GRAMD1B: variants seen among roughly 807,000 people sequenced by gnomAD.
GRAMD1B encodes GRAM domain containing 1B, also known as protein Aster-B.
GRAMD1B carries 37 observed loss-of-function variants against 99.7 expected under a neutral mutation model. That is an observed-to-expected ratio of 0.37 (90% confidence interval 0.29 to 0.49). GRAMD1B has a LOEUF of 0.49. Among genes scored for constraint, GRAMD1B ranks in the 20% least tolerant of loss-of-function variants. GRAMD1B has a pLI of 0.98. For missense variants in GRAMD1B, 888 were observed against 1,009.2 expected, an observed-to-expected ratio of 0.88 and a Z score of 1.63; for synonymous variants, 427 against 387.6, an observed-to-expected ratio of 1.10 and a Z score of -1.19.
At chr11:123,519,550 C>T (rs1941996143) in intron 2 of GRAMD1B, among the ~76,000 whole-genome samples, 2 of 152,336 alleles carry the variant, frequency 1.3e-5, no homozygotes, top group South Asian at 4.1e-4. Flanking sequence ...CCTGATGACT[C>T]CCCTGCCTGA....
At chr11:123,582,642 C>T (rs1333699677) in intron 3 of GRAMD1B, among the ~76,000 whole-genome samples, 1 of 152,178 alleles carries the variant, frequency 6.6e-6, no homozygotes, top group South Asian at 2.1e-4. Flanking sequence ...CCCTCAGCCC[C>T]CTCCAGCTCC....
intron 7 of GRAMD1B, chr11:123,599,166 C>T (rs927903561): frequency 7.8e-5 from 61 of 781,270 alleles, no homozygotes; most frequent in Non-Finnish European, 1.1e-4. Context: ...TGGGTGCTTC[C>T]GGTGGAATTC....
intron 17 of GRAMD1B, among the ~76,000 whole-genome samples, 173 bp downstream of exon 17, chr11:123,615,008 C>T (rs944856091): frequency 7.9e-5 from 12 of 152,188 alleles, no homozygotes; most frequent in African/African-American, 2.4e-4. Context: ...CTTACCTCTT[C>T]GCTTCTTTTT....
chr11:123,534,886 G>A (rs146511801), intron 2 of GRAMD1B, among the ~76,000 whole-genome samples: 2,906 of 151,928 alleles, frequency 0.019, 88 homozygotes, highest in African/African-American at 0.066. Flanking sequence ...AAAATAATGA[G>A]GGGGTCTCAG....
At chr11:123,574,176 A>G (rs1174225404) in intron 2 of GRAMD1B, among the ~76,000 whole-genome samples, 4 of 151,808 alleles carry the variant, frequency 2.6e-5, no homozygotes, top group Non-Finnish European at 5.9e-5. Context: ...GGGAGTTTGG[A>G]GGCAGGAGAA....
chr11:123,468,795 CA>C (rs11446671), intron 1 of GRAMD1B, among the ~76,000 whole-genome samples: 229 of 98,012 alleles, frequency 2.3e-3, no homozygotes, highest in South Asian at 4.9e-3. Context: ...GACCCTGTAT[CA>C]AAAAAAAAAA....
intron 2 of GRAMD1B, among the ~76,000 whole-genome samples, chr11:123,541,538 A>C (rs1295755): frequency 0.61 from 87,217 of 143,068 alleles, 25,715 homozygotes; most frequent in Middle Eastern, 0.71. Flanking sequence ...CTGTGAATTG[A>C]TTTTTTTTTT....
At chr11:123,585,734 C>A (rs1178436989) in intron 4 of GRAMD1B, among the ~76,000 whole-genome samples, 1 of 152,214 alleles carries the variant, frequency 6.6e-6, no homozygotes, top group Admixed American at 6.5e-5. Context: ...CCTTTTTAAG[C>A]AGCATCGCAC....
At chr11:123,491,779 G>A (rs756405411) in intron 2 of GRAMD1B, 7 of 398,346 alleles carry the variant, frequency 1.8e-5, no homozygotes, top group Non-Finnish European at 3.1e-5. Context: ...GCAAGTCCAC[G>A]CAGCTCCAGA....
chr11:123,600,839 A>G (rs1201528321), intron 8 of GRAMD1B, among the ~76,000 whole-genome samples: 1 of 151,898 alleles, frequency 6.6e-6, no homozygotes, highest in African/African-American at 2.4e-5. Flanking sequence ...AAATTCACAG[A>G]CCCCCAGAAA....
intron 1 of GRAMD1B, among the ~76,000 whole-genome samples, chr11:123,381,225 C>T (rs984851394): frequency 6.6e-6 from 1 of 152,262 alleles, no homozygotes; most frequent in South Asian, 2.1e-4. Context: ...TAGGATAGAA[C>T]AGATGGTGGT....
chr11:123,483,266 G>A (rs1459148384), intron 2 of GRAMD1B, among the ~76,000 whole-genome samples: 1 of 152,112 alleles, frequency 6.6e-6, no homozygotes, highest in Non-Finnish European at 1.5e-5. Context: ...GCGTGGATAT[G>A]CTGAACAAAG....
chr11:123,458,354 A>C (rs2134452792), intron 1 of GRAMD1B: 1 of 152,366 alleles, frequency 6.6e-6, no homozygotes, highest in Non-Finnish European at 1.5e-5. Flanking sequence ...TTCCATTCAC[A>C]TATTCACCTT....
chr11:123,599,388 A>G (rs901818902), intron 7 of GRAMD1B: 4 of 677,128 alleles, frequency 5.9e-6, no homozygotes, highest in Admixed American at 1.8e-5. Flanking sequence ...CTCTTTGGCC[A>G]TGACATCCAT....
intron 1 of GRAMD1B, among the ~76,000 whole-genome samples, chr11:123,382,998 A>G (rs1045251183): frequency 6.6e-6 from 1 of 152,206 alleles, no homozygotes; most frequent in Non-Finnish European, 1.5e-5. Flanking sequence ...TACACTTCTC[A>G]GAAGGGCCAG....
At chr11:123,546,548 T>C (rs917554702) in intron 2 of GRAMD1B, among the ~76,000 whole-genome samples, 2 of 152,186 alleles carry the variant, frequency 1.3e-5, no homozygotes, top group Admixed American at 6.5e-5. Context: ...ATGGCCAACC[T>C]GGGAGGACTG....
rs967413219 is a variant in GRAMD1B at position 123,554,032 on chromosome 11, C to G, written c.453-23335C>G. The stretch of plus-strand genomic sequence containing the variant: ...ACCCTCTGTTTCCTTGACCCTCTTT[C>G]ACTCTCAGGGCAGCCAGTTGTTTGG... On this transcript the variant is annotated intron_variant, in intron 2 of 19. Transcript: ENST00000635736. Among the ~76,000 whole-genome samples the G allele has an allele frequency of 2.0e-5, 3 of 152,202 alleles. No individual in the cohort carries two copies. The East Asian group carries it at 5.8e-4, about 29-fold the overall frequency.
intron 2 of GRAMD1B, among the ~76,000 whole-genome samples, chr11:123,542,362 G>A (rs866494285): frequency 2.8e-4 from 42 of 152,254 alleles, no homozygotes; most frequent in Non-Finnish European, 1.2e-4. Context: ...AACGTGGAAG[G>A]AAGGAAACGT....
intron 3 of GRAMD1B, chr11:123,578,484 T>C (rs1948980107): frequency 7.7e-7 from 1 of 1,298,710 alleles, no homozygotes; most frequent in Non-Finnish European, 1.1e-6. Context: ...TCGATCTGTC[T>C]GTAGTGCTCA....
Sources: gnomAD v4.1 joint callset for allele counts (sites outside exome capture counted in the v4.1 genomes callset) on GRCh38, gnomAD v4.1.1 for gene constraint, MANE v1.5 for transcripts, NCBI Gene and HGNC (gene_info 2026-07-23, HGNC 2026-07-21) for gene names.